Variants in SLC9A2 observed in about 807,000 individuals in gnomAD.
SLC9A2 encodes the protein solute carrier family 9 member A2.
Under a neutral mutation model 71.7 loss-of-function variants are expected in SLC9A2, and 42 were observed. The observed-to-expected ratio is 0.59, with a 90% CI of 0.46 to 0.76. SLC9A2 has a LOEUF of 0.76. Among genes scored for constraint, SLC9A2 ranks in the 30% least tolerant of loss-of-function variants. The pLI is 0.00. For synonymous variants in SLC9A2, 396 were observed against 392.5 expected, an observed-to-expected ratio of 1.01 and a Z score of -0.10; for missense variants, 829 against 1,017.4, an observed-to-expected ratio of 0.81 and a Z score of 2.52.
intron 1 of SLC9A2, among the ~76,000 whole-genome samples, chr2:102,629,653 G>A (rs1325339269): frequency 6.6e-6 from 1 of 151,772 alleles, no homozygotes; most frequent in Non-Finnish European, 1.5e-5. Context: ...CCATATTTTG[G>A]CTTGGTTGAT....
chr2:102,656,573 T>A (rs936362253), intron 1 of SLC9A2, among the ~76,000 whole-genome samples: 1 of 152,166 alleles, frequency 6.6e-6, no homozygotes, highest in Non-Finnish European at 1.5e-5. Context: ...CCTCATAGAG[T>A]AGTTTCTTGA....
intron 1 of SLC9A2, among the ~76,000 whole-genome samples, chr2:102,638,457 T>A: frequency 6.6e-6 from 1 of 152,184 alleles, no homozygotes; most frequent in East Asian, 1.9e-4. Flanking sequence ...GGTTTATGCT[T>A]CCCACCTTGA....
intron 1 of SLC9A2, among the ~76,000 whole-genome samples, chr2:102,631,215 G>A (rs979589911): frequency 3.3e-5 from 5 of 151,896 alleles, no homozygotes; most frequent in African/African-American, 7.3e-5. Context: ...CTTCATGGGC[G>A]AATTTCCCCT....
chr2:102,650,329 T>TG (rs929417980), intron 1 of SLC9A2, among the ~76,000 whole-genome samples: 1 of 150,754 alleles, frequency 6.6e-6, no homozygotes, highest in African/African-American at 2.4e-5. Context: ...GTTGGTGGGG[T>TG]GGGGGGCAAG....
At chr2:102,700,400 A>G (rs759858851) in intron 7 of SLC9A2, among the ~76,000 whole-genome samples, 13 of 152,178 alleles carry the variant, frequency 8.5e-5, no homozygotes, top group Non-Finnish European at 1.9e-4. Flanking sequence ...GCACTCCTAC[A>G]TTAACAGGTC....
At chr2:102,701,029 T>A in intron 7 of SLC9A2, 41 bp from the exon 8 acceptor site, 1 of 1,383,658 alleles carries the variant, frequency 7.2e-7, no homozygotes, top group Non-Finnish European at 1.0e-6. Context: ...ATTTTCTTAG[T>A]CAATCCAGTA....
At chr2:102,654,459 A>T (rs371853677) in intron 1 of SLC9A2, among the ~76,000 whole-genome samples, 51 of 152,250 alleles carry the variant, frequency 3.3e-4, no homozygotes, top group African/African-American at 1.2e-3. Context: ...ATAAAGCTAG[A>T]TTTGAATGCT....
chr2:102,634,701 TA>T (rs994271927), intron 1 of SLC9A2, among the ~76,000 whole-genome samples: 6 of 152,194 alleles, frequency 3.9e-5, no homozygotes, highest in Non-Finnish European at 5.9e-5. Flanking sequence ...TACGTAAGCT[TA>T]AAAAAATCAT....
intron 1 of SLC9A2, among the ~76,000 whole-genome samples, chr2:102,628,611 G>A (rs760030688): frequency 4.3e-4 from 66 of 151,946 alleles, no homozygotes; most frequent in Middle Eastern, 3.2e-3. Context: ...CTGTCACTCA[G>A]CTCTCGGTAT....
In SLC9A2 at chr2:102,703,895, A is replaced by C. The variant is rs545948471; in HGVS notation, c.1846-649A>C. ...TGTCACCAGCTCTCTTCATGTAACAACCCAGTTGAAAAAAGGGAATGTGCT... is the reference window on the plus strand; with the variant it reads ...TGTCACCAGCTCTCTTCATGTAACACCCCAGTTGAAAAAAGGGAATGTGCT... On this transcript the variant is annotated intron_variant, in intron 9 of 11. Transcript: ENST00000233969. Among the ~76,000 whole-genome samples, 4 of 152,254 alleles carry C rather than the reference A, an allele frequency of 2.6e-5. No homozygotes were observed. In the South Asian group the frequency reaches 8.3e-4, roughly 32 times the overall value.
At position 102,683,248 on chromosome 2, in the gene SLC9A2, T is replaced by C; in HGVS notation, c.1005-13T>C. 1 of 1,585,092 alleles carries C rather than the reference T, an allele frequency of 6.3e-7. No individual in the cohort carries two copies. The highest frequency in any genetic ancestry group is 8.7e-7 in the Non-Finnish European group (1 of 1,153,562). The stretch of plus-strand genomic sequence containing the variant: ...TTGTTAGGTTTCAATAGAAGCTGAA[T>C]CTTCCCTTTCAGAATCACTGCTTGT... On this transcript the variant is annotated splice_polypyrimidine_tract_variant and intron_variant, in intron 3 of 11. Transcript: ENST00000233969.
Position 102,710,543 on chromosome 2 carries a change from T to C in SLC9A2, c.*2054T>C, listed in dbSNP as rs1678086077. ...GTAGACCAAATTCCGCTTTCAGTAA[T>C]TCATCCATACAGAATTTGGATGACT... is the stretch of plus-strand genomic sequence containing the variant. On this transcript the variant is annotated 3_prime_UTR_variant, in exon 12 of 12. Coordinates refer to ENST00000233969, the MANE Select transcript of SLC9A2 (RefSeq NM_003048.6). 1 of 152,304 alleles carries C rather than the reference T, an allele frequency of 6.6e-6. No homozygotes were observed. The highest frequency in any genetic ancestry group is 1.5e-5 in the Non-Finnish European group (1 of 68,034). The allele number at this position is 152,304 out of a possible 1,614,324, so 9.4% of individuals were successfully genotyped here.
intron 3 of SLC9A2, among the ~76,000 whole-genome samples, chr2:102,678,339 A>AC (rs1241552129): frequency 7.3e-5 from 11 of 150,176 alleles, no homozygotes; most frequent in African/African-American, 2.3e-4. Flanking sequence ...AAAAAAAAAA[A>AC]ACAGAGAGAG....
intron 3 of SLC9A2, among the ~76,000 whole-genome samples, chr2:102,669,171 A>C (rs548338747): frequency 1.3e-5 from 2 of 152,316 alleles, no homozygotes; most frequent in Admixed American, 6.5e-5. Context: ...CTGACAAGTA[A>C]ATTAAATAAT....
chr2:102,662,764 T>A (rs977782682), intron 2 of SLC9A2, among the ~76,000 whole-genome samples: 4 of 147,170 alleles, frequency 2.7e-5, no homozygotes, highest in African/African-American at 5.0e-5. Flanking sequence ...GAAAGCAGTT[T>A]AAAAAAAAAA....
chr2:102,699,295 C>T (rs1677826964), intron 7 of SLC9A2, among the ~76,000 whole-genome samples: 1 of 152,068 alleles, frequency 6.6e-6, no homozygotes, highest in South Asian at 2.1e-4. Flanking sequence ...GACATGGGAG[C>T]ACTGCTGGTA....
At chr2:102,625,374 G>A (rs921436644) in intron 1 of SLC9A2, among the ~76,000 whole-genome samples, 3 of 152,050 alleles carry the variant, frequency 2.0e-5, no homozygotes, top group Non-Finnish European at 4.4e-5. Context: ...ACAACGTGCA[G>A]GTTTGTTACA....
chr2:102,657,130 C>T (rs557640336), intron 1 of SLC9A2, among the ~76,000 whole-genome samples: 40 of 151,596 alleles, frequency 2.6e-4, no homozygotes, highest in African/African-American at 7.3e-4. Context: ...TGCTTGAACC[C>T]GGGAGGCAGA....
intron 10 of SLC9A2, among the ~76,000 whole-genome samples, chr2:102,705,075 G>A (rs892028504): frequency 1.2e-4 from 19 of 152,164 alleles, no homozygotes; most frequent in South Asian, 4.2e-4. Flanking sequence ...ATATGGTGGC[G>A]TGCGCTTGTA....
Sources: gnomAD v4.1 joint callset for allele counts (sites outside exome capture counted in the v4.1 genomes callset) on GRCh38, gnomAD v4.1.1 for gene constraint, MANE v1.5 for transcripts, NCBI Gene and HGNC (gene_info 2026-07-23, HGNC 2026-07-21) for gene names.